The following TMEM117 variants were observed in gnomAD, a reference collection of about 807,000 sequenced individuals.
The protein encoded by TMEM117 is transmembrane protein 117.
Under a neutral mutation model 52.4 loss-of-function variants are expected in TMEM117, and 27 were observed. That is an observed-to-expected ratio of 0.51 (90% CI 0.38 to 0.71). TMEM117 has a LOEUF of 0.71. Among genes scored for constraint, TMEM117 ranks in the 30% least tolerant of loss-of-function variants. The pLI is 0.00. For missense variants in TMEM117, 556 were observed against 630.5 expected, an observed-to-expected ratio of 0.88 and a Z score of 1.26; for synonymous variants, 215 against 206.3, an observed-to-expected ratio of 1.04 and a Z score of -0.36.
At chr12:44,013,826 A>G (rs962728245) in intron 3 of TMEM117, among the ~76,000 whole-genome samples, 5 of 152,080 alleles carry the variant, frequency 3.3e-5, no homozygotes, top group Non-Finnish European at 7.4e-5. Flanking sequence ...TGTCTCTCCA[A>G]TTTGTGGTGT....
intron 3 of TMEM117, among the ~76,000 whole-genome samples, chr12:43,961,597 T>C (rs1945404521): frequency 6.6e-6 from 1 of 152,226 alleles, no homozygotes; most frequent in Non-Finnish European, 1.5e-5. Context: ...TTAAAATCTA[T>C]AATATTTCAT....
At chr12:44,082,857 A>G (rs1257909438) in intron 3 of TMEM117, among the ~76,000 whole-genome samples, 1 of 152,082 alleles carries the variant, frequency 6.6e-6, no homozygotes, top group African/African-American at 2.4e-5. Context: ...CCTTTATTTT[A>G]AAATAGTTTT....
chr12:43,808,549 C>A, the TMEM117 span, among the ~76,000 whole-genome samples: 9 of 152,092 alleles, frequency 5.9e-5, no homozygotes, highest in African/African-American at 2.2e-4. Context: ...AGATGGTGGT[C>A]ACAAAACACA....
chr12:44,261,724 C>A (rs1016448528), intron 5 of TMEM117, among the ~76,000 whole-genome samples: 2 of 152,102 alleles, frequency 1.3e-5, no homozygotes, highest in African/African-American at 2.4e-5. Context: ...CAGTAATTTT[C>A]CCAGTTTAGT....
intron 5 of TMEM117, among the ~76,000 whole-genome samples, chr12:44,260,272 T>C (rs759771036): frequency 2.6e-5 from 4 of 152,210 alleles, no homozygotes; most frequent in African/African-American, 4.8e-5. Context: ...GGTAATGAGA[T>C]TGTGTCTTAC....
chr12:43,970,788 G>T (rs1348724063), intron 3 of TMEM117, among the ~76,000 whole-genome samples: 1 of 151,996 alleles, frequency 6.6e-6, no homozygotes, highest in African/African-American at 2.4e-5. Context: ...CATCACTCAG[G>T]GTTTTAATCT....
At chr12:44,139,433 G>A (rs1032435660) in intron 3 of TMEM117, among the ~76,000 whole-genome samples, 14 of 151,652 alleles carry the variant, frequency 9.2e-5, no homozygotes, top group Non-Finnish European at 1.2e-4. Flanking sequence ...TTGGTATCTC[G>A]TATTGTCAAG....
chr12:44,255,770 A>G (rs1000817392), intron 5 of TMEM117, among the ~76,000 whole-genome samples: 3 of 152,030 alleles, frequency 2.0e-5, no homozygotes, highest in Admixed American at 6.6e-5. Flanking sequence ...AAAATCAACC[A>G]CTGCATTACT....
intron 5 of TMEM117, among the ~76,000 whole-genome samples, chr12:44,298,272 T>C (rs1456108339): frequency 6.6e-6 from 1 of 150,790 alleles, no homozygotes; most frequent in Non-Finnish European, 1.5e-5. Context: ...TATAAGACAT[T>C]AGAGGGCAAA....
intron 4 of TMEM117, among the ~76,000 whole-genome samples, chr12:44,151,972 T>C (rs1948734947): frequency 8.4e-6 from 1 of 118,596 alleles, no homozygotes; most frequent in Admixed American, 1.0e-4. Flanking sequence ...TAAATATAAG[T>C]ATATATTTAT....
downstream of TMEM117, among the ~76,000 whole-genome samples, chr12:44,394,605 G>A (rs1047146531): frequency 6.6e-6 from 1 of 152,114 alleles, no homozygotes; most frequent in Non-Finnish European, 1.5e-5. Context: ...TATTCCTCAA[G>A]GTTTCCTAGG....
intron 2 of TMEM117, among the ~76,000 whole-genome samples, chr12:43,847,671 T>G (rs1356544250): frequency 6.6e-6 from 1 of 152,186 alleles, no homozygotes; most frequent in African/African-American, 2.4e-5. Flanking sequence ...TTCAGCATGA[T>G]TCATCTGGGT....
chr12:43,978,099 T>C (rs1421670416), intron 3 of TMEM117, among the ~76,000 whole-genome samples: 1 of 152,166 alleles, frequency 6.6e-6, no homozygotes, highest in Non-Finnish European at 1.5e-5. Flanking sequence ...TTTGGGTAAG[T>C]TGAAATTGTT....
chr12:44,286,271 T>C (rs1278631010), intron 5 of TMEM117, among the ~76,000 whole-genome samples: 1 of 151,258 alleles, frequency 6.6e-6, no homozygotes, highest in African/African-American at 2.4e-5. Flanking sequence ...TTATAAACAT[T>C]TAGAACATGA....
At chr12:44,190,097 T>C (rs932678245) in intron 4 of TMEM117, among the ~76,000 whole-genome samples, 3 of 152,160 alleles carry the variant, frequency 2.0e-5, no homozygotes, top group Admixed American at 2.0e-4. Context: ...GAAGTGTCCA[T>C]CTAGGGAAAG....
chr12:44,361,739 A>G (rs1360441681), intron 6 of TMEM117, among the ~76,000 whole-genome samples: 5 of 152,152 alleles, frequency 3.3e-5, no homozygotes, highest in Non-Finnish European at 4.4e-5. Flanking sequence ...CTGTAATAGA[A>G]GATTCTTTGG....
At chr12:43,910,394 A>T (rs1944476296) in intron 2 of TMEM117, among the ~76,000 whole-genome samples, 1 of 117,428 alleles carries the variant, frequency 8.5e-6, no homozygotes, top group African/African-American at 3.1e-5. Context: ...TATCATACTG[A>T]ATGGGCAAAA....
intron 5 of TMEM117, among the ~76,000 whole-genome samples, chr12:44,213,368 G>A (rs1020466089): frequency 2.0e-5 from 3 of 152,126 alleles, no homozygotes; most frequent in African/African-American, 4.8e-5. Flanking sequence ...GGGTGCTAAA[G>A]AAGAACATAC....
At chr12:44,265,721 A>G (rs1023212586) in intron 5 of TMEM117, among the ~76,000 whole-genome samples, 2 of 152,116 alleles carry the variant, frequency 1.3e-5, no homozygotes, top group African/African-American at 4.8e-5. Context: ...CATCACTCCA[A>G]AAGAAACGCC....
Sources: gnomAD v4.1 joint callset for allele counts (sites outside exome capture counted in the v4.1 genomes callset) on GRCh38, gnomAD v4.1.1 for gene constraint, MANE v1.5 for transcripts, NCBI Gene and HGNC (gene_info 2026-07-23, HGNC 2026-07-21) for gene names.